Variants in RPA3 observed in about 807,000 individuals in gnomAD.
The protein encoded by RPA3 is replication protein A 14 kDa subunit.
A neutral mutation model predicts 13.7 loss-of-function variants in RPA3; 24 were observed. The ratio of observed to expected loss-of-function variants is 1.75; its 90% CI spans 1.27 to 2.46. The LOEUF (loss-of-function observed/expected upper bound fraction) is 2.46, where lower values mean the gene tolerates loss of function less well. RPA3 is among the 30% of genes most tolerant of loss of function. RPA3 has a pLI of 0.00. For missense variants in RPA3, 183 were observed against 151.0 expected, an observed-to-expected ratio of 1.21 and a Z score of -1.11; for synonymous variants, 59 against 51.2, an observed-to-expected ratio of 1.15 and a Z score of -0.65.
At chr7:7,663,764 G>A (rs569112084) in intron 4 of RPA3, among the ~76,000 whole-genome samples, 12 of 152,102 alleles carry the variant, frequency 7.9e-5, no homozygotes, top group Admixed American at 2.6e-4. Context: ...TAGTATCCCC[G>A]GGGCAATAAC....
chr7:7,640,409 T>C lies in RPA3; in HGVS notation c.10A>G (p.Met4Val), dbSNP rs755662801. MVD[M>V]MDLPRSRINA... ...ATGCGCGACCTGGGCAAGTCCATCATGTCCACCATGATTATGGTCCAAGAC... is the reference window on the plus strand; with the variant it reads ...ATGCGCGACCTGGGCAAGTCCATCACGTCCACCATGATTATGGTCCAAGAC... Residue 4 changes from methionine (M) to valine (V), a missense_variant, in exon 5 of 8, where the codon ATG becomes GTG. Transcript: ENST00000223129. The C allele has an allele frequency of 4.3e-6, 7 of 1,613,924 alleles. No homozygotes were observed. Among genetic ancestry groups the C allele is most frequent in the South Asian group, 2.2e-5 (2 of 91,090 alleles).
intron 4 of RPA3, among the ~76,000 whole-genome samples, chr7:7,656,514 T>C (rs1191715085): frequency 6.6e-6 from 1 of 152,186 alleles, no homozygotes; most frequent in Non-Finnish European, 1.5e-5. Context: ...CCCCTCCCTG[T>C]GTCCATGTGT....
intron 4 of RPA3, among the ~76,000 whole-genome samples, chr7:7,647,885 G>T (rs1785133294): frequency 6.6e-6 from 1 of 152,220 alleles, no homozygotes; most frequent in Admixed American, 6.5e-5. Flanking sequence ...GATTACAGGT[G>T]TGAGTCACTG....
intron 4 of RPA3, among the ~76,000 whole-genome samples, chr7:7,649,701 C>T (rs1785180616): frequency 6.6e-6 from 1 of 151,110 alleles, no homozygotes; most frequent in Non-Finnish European, 1.5e-5. Context: ...GGGGCCCACC[C>T]TACAAATTTT....
At position 7,691,243 on chromosome 7, in the gene RPA3, A is replaced by G. The variant is rs951004844; in HGVS notation, c.-1027-3915T>C. On this transcript the variant is annotated intron_variant, in intron 2 of 7. Transcript: ENST00000223129. Reference sequence around the variant, plus strand: ...TTTCAAGCAAGTATTAGGCAGGTAAAATGTATGTATGAGGAAAAAATGGTT... The same window carrying G: ...TTTCAAGCAAGTATTAGGCAGGTAAGATGTATGTATGAGGAAAAAATGGTT... Among the ~76,000 whole-genome samples, 3 of 152,206 alleles carry G rather than the reference A, an allele frequency of 2.0e-5. No homozygotes were observed. The East Asian group carries it at 5.8e-4, about 29-fold the overall frequency.
chr7:7,694,598 T>C (rs1192212178), intron 2 of RPA3, among the ~76,000 whole-genome samples: 1 of 152,024 alleles, frequency 6.6e-6, no homozygotes, highest in Non-Finnish European at 1.5e-5. Context: ...AGTTCAATTA[T>C]TTTAATTTTT....
At chr7:7,699,306 A>C (rs1049437872) in intron 2 of RPA3, among the ~76,000 whole-genome samples, 1 of 152,140 alleles carries the variant, frequency 6.6e-6, no homozygotes, top group South Asian at 2.1e-4. Flanking sequence ...TCTTTATCCA[A>C]CTGATTTAAA....
At chr7:7,649,111 T>C (rs1278093090) in intron 4 of RPA3, among the ~76,000 whole-genome samples, 1 of 144,822 alleles carries the variant, frequency 6.9e-6, no homozygotes, top group Non-Finnish European at 1.5e-5. Flanking sequence ...TAAGCCAAGA[T>C]TGTGCCACTG....
chr7:7,648,126 T>G (rs897848288), intron 4 of RPA3, among the ~76,000 whole-genome samples: 1 of 152,216 alleles, frequency 6.6e-6, no homozygotes, highest in African/African-American at 2.4e-5. Context: ...TACCAGCCAG[T>G]GGGCTCCAGT....
intron 4 of RPA3, among the ~76,000 whole-genome samples, chr7:7,669,677 C>T (rs1779556755): frequency 1.3e-5 from 2 of 152,170 alleles, no homozygotes; most frequent in Admixed American, 1.3e-4. Flanking sequence ...CATGTTCCCA[C>T]AGAACAACAT....
intron 2 of RPA3, among the ~76,000 whole-genome samples, chr7:7,704,724 A>G (rs1432974840): frequency 7.6e-6 from 1 of 131,242 alleles, no homozygotes; most frequent in African/African-American, 2.9e-5. Context: ...CTGAGATCGC[A>G]CCACTGTACT....
At chr7:7,676,166 G>C (rs1779732804) in intron 4 of RPA3, 1 of 398,636 alleles carries the variant, frequency 2.5e-6, no homozygotes, top group Non-Finnish European at 4.4e-6. Context: ...AGACCCTTTG[G>C]GTTGGCTTCG....
intron 4 of RPA3, among the ~76,000 whole-genome samples, chr7:7,658,265 A>G (rs569021254): frequency 1.3e-5 from 2 of 152,356 alleles, no homozygotes; most frequent in African/African-American, 4.8e-5. Context: ...AACAGAGACA[A>G]TTTGGCTTCC....
chr7:7,712,545 A>G (rs1780791924), intron 2 of RPA3, among the ~76,000 whole-genome samples: 1 of 152,188 alleles, frequency 6.6e-6, no homozygotes. Flanking sequence ...TGTAGCAACC[A>G]TCTTGATAAA....
intron 2 of RPA3, among the ~76,000 whole-genome samples, chr7:7,708,603 C>T (rs1014997620): frequency 1.3e-5 from 2 of 152,124 alleles, no homozygotes; most frequent in African/African-American, 4.8e-5. Context: ...CATATTTGTC[C>T]TTTTGGGACA....
intron 2 of RPA3, among the ~76,000 whole-genome samples, chr7:7,708,185 A>C (rs548933767): frequency 7.7e-4 from 117 of 152,290 alleles, no homozygotes; most frequent in African/African-American, 2.6e-3. Flanking sequence ...ATATTCAAAC[A>C]CAACAGCTTC....
chr7:7,713,228 CA>C (rs1250991239), intron 2 of RPA3, among the ~76,000 whole-genome samples: 5 of 151,936 alleles, frequency 3.3e-5, no homozygotes, highest in African/African-American at 1.2e-4. Flanking sequence ...CCTGTAGTCC[CA>C]GCTACTCAGG....
intron 1 of RPA3, among the ~76,000 whole-genome samples, chr7:7,715,833 T>A (rs1027869776): frequency 2.6e-5 from 4 of 152,156 alleles, no homozygotes; most frequent in Admixed American, 1.3e-4. Context: ...TAAAATAGAA[T>A]AGCATCAAAC....
intron 4 of RPA3, among the ~76,000 whole-genome samples, chr7:7,660,039 C>A (rs902128559): frequency 2.6e-5 from 4 of 152,156 alleles, no homozygotes; most frequent in African/African-American, 4.8e-5. Context: ...TGCATTGATC[C>A]CTTTACCATT....
Sources: allele counts gnomAD v4.1 joint callset (sites outside exome capture counted in the v4.1 genomes callset), GRCh38; gene constraint gnomAD v4.1.1; transcripts MANE v1.5; gene names NCBI Gene and HGNC (gene_info 2026-07-23, HGNC 2026-07-21).